The following RP1L1 variants were observed in gnomAD, a reference collection of about 807,000 sequenced individuals.
RP1L1 encodes the protein RP1 like 1.
In RP1L1, 27 loss-of-function variants were observed where a neutral mutation model predicts 15.7. The observed-to-expected ratio is 1.72, with a 90% CI of 1.27 to 2.38. RP1L1 has a LOEUF of 2.38. Among genes scored for constraint, RP1L1 ranks in the 30% most tolerant of loss-of-function variants. The probability of loss-of-function intolerance (pLI) is 0.00; values close to 1 mark genes in which losing one functional copy is unlikely to be tolerated. For missense variants in RP1L1, 4,798 were observed against 3,075.9 expected, an observed-to-expected ratio of 1.56 and a Z score of -13.24; for synonymous variants, 1,813 against 1,276.7, an observed-to-expected ratio of 1.42 and a Z score of -8.96.
At chr8:10,632,511 C>G (rs1798267568) in intron 1 of RP1L1, among the ~76,000 whole-genome samples, 1 of 152,198 alleles carries the variant, frequency 6.6e-6, no homozygotes. Flanking sequence ...CGACTTTTTC[C>G]TTTCCCCCTG....
At chr8:10,617,112 C>A (rs932578561) in intron 2 of RP1L1, among the ~76,000 whole-genome samples, 7 of 152,060 alleles carry the variant, frequency 4.6e-5, no homozygotes, top group South Asian at 2.1e-4. Flanking sequence ...TGCAGGGACC[C>A]CTTCCCTTCC....
chr8:10,617,344 A>T (rs1044089543), intron 2 of RP1L1, among the ~76,000 whole-genome samples: 17 of 149,660 alleles, frequency 1.1e-4, no homozygotes, highest in South Asian at 2.1e-4. Flanking sequence ...TCCATCTTTA[A>T]AGCACAGAGC....
At chr8:10,628,665 T>C (rs1014410211) in intron 1 of RP1L1, among the ~76,000 whole-genome samples, 16 of 152,194 alleles carry the variant, frequency 1.1e-4, no homozygotes, top group South Asian at 2.1e-4. Context: ...ATATAGACTT[T>C]CTTGTCCAAA....
At position 10,608,215 on chromosome 8, in the gene RP1L1, T is replaced by C; in HGVS notation, c.5883A>G (p.Ile1961Met). 1.3e-6 allele frequency: 2 copies of C among 1,575,648 alleles called. No homozygotes were observed. The highest frequency in any genetic ancestry group is 1.7e-6 in the Non-Finnish European group (2 of 1,161,504). The change falls in exon 4 of 4, where the codon ATA (isoleucine) becomes ATG (methionine). Residue 1961 changes from isoleucine to methionine, a missense_variant. Coordinates refer to ENST00000382483, the MANE Select transcript of RP1L1 (RefSeq NM_178857.6). ...CTTCCTCTTCTGCCTCCTGGGACTCTATAACTTCTGACTCTGGCTGGGTCT... is the reference window on the plus strand; with the variant it reads ...CTTCCTCTTCTGCCTCCTGGGACTCCATAACTTCTGACTCTGGCTGGGTCT... ...EGQTQPESEV[I>M]ESQEAEEEAQ...
intron 1 of RP1L1, among the ~76,000 whole-genome samples, chr8:10,641,782 G>A (rs933336157): frequency 7.2e-5 from 11 of 152,294 alleles, no homozygotes; most frequent in African/African-American, 2.4e-4. Flanking sequence ...GAAGACTTAA[G>A]CAAACTGGTA....
Position 10,613,293 on chromosome 8 carries a change from C to A in RP1L1, c.805G>T (p.Gly269Cys). Residue 269 changes from glycine (G) to cysteine (C), a missense_variant, in exon 4 of 4, where the codon GGC becomes TGC. Gly to Cys is a radical substitution (Grantham distance 159). Coordinates refer to ENST00000382483, the MANE Select transcript of RP1L1 (RefSeq NM_178857.6). ...PSVIHSRSPP[G>C]STPRLPERPG... is the part of the protein sequence containing the mutation. ...CTTTCTGGCAGCCGTGGCGTGCTGC[C>A]TGGCGGAGACCGCGAATGGATCACA... is the stretch of plus-strand genomic sequence containing the variant. 6.2e-7 allele frequency: 1 copy of A among 1,604,870 alleles called. No homozygotes were observed. Among genetic ancestry groups the A allele is most frequent in the Non-Finnish European group, 8.5e-7 (1 of 1,179,980 alleles).
At chr8:10,615,986 C>A (rs377556943) in intron 3 of RP1L1, among the ~76,000 whole-genome samples, 1 of 151,906 alleles carries the variant, frequency 6.6e-6, no homozygotes, top group African/African-American at 2.4e-5. Context: ...CTCACTGCAG[C>A]CTCAACCTCC....
intron 2 of RP1L1, among the ~76,000 whole-genome samples, chr8:10,621,999 A>G (rs1798067322): frequency 6.6e-6 from 1 of 152,116 alleles, no homozygotes; most frequent in Admixed American, 6.5e-5. Flanking sequence ...CCCCTGCAAT[A>G]ATAGGTTATT....
Position 10,622,574 on chromosome 8 carries a change from T to A in RP1L1, c.609+19A>T. The A allele has an allele frequency of 6.2e-7, 1 of 1,614,128 alleles. No individual in the cohort carries two copies. Among genetic ancestry groups the A allele is most frequent in the South Asian group, 1.1e-5 (1 of 91,016 alleles). On this transcript the variant is annotated intron_variant, in intron 2 of 3. Transcript: ENST00000382483. ...TCTAAAGAACCTTTTCAAGGAACCG[T>A]CAGACCCCAACAGCCTACCTTTTTC...
At chr8:10,629,778 T>A (rs1017283823) in intron 1 of RP1L1, among the ~76,000 whole-genome samples, 117 of 152,198 alleles carry the variant, frequency 7.7e-4, no homozygotes, top group Middle Eastern at 3.4e-3. Flanking sequence ...CTGCTGTCCT[T>A]ACCACTTATT....
intron 1 of RP1L1, among the ~76,000 whole-genome samples, chr8:10,638,047 C>A (rs1798355734): frequency 6.6e-6 from 1 of 152,226 alleles, no homozygotes; most frequent in South Asian, 2.1e-4. Context: ...TCAGGAGGCA[C>A]AGCCACTGAT....
At chr8:10,614,486 C>G (rs1390301736) in intron 3 of RP1L1, among the ~76,000 whole-genome samples, 1 of 151,878 alleles carries the variant, frequency 6.6e-6, no homozygotes, top group Admixed American at 6.6e-5. Flanking sequence ...ATGGGGAAAC[C>G]CCATCTCTAC....
At chr8:10,614,089 G>A (rs949057596) in intron 3 of RP1L1, among the ~76,000 whole-genome samples, 1 of 152,210 alleles carries the variant, frequency 6.6e-6, no homozygotes, top group Non-Finnish European at 1.5e-5. Context: ...GGCAGGCAGA[G>A]TGGCAGTGCC....
rs1798022651 is a variant in RP1L1, at chr8:10,619,374, G to A, written c.610-2787C>T. Among the ~76,000 whole-genome samples, 3 of 152,198 alleles carry A rather than the reference G, an allele frequency of 2.0e-5. 1 individual carries two copies. The South Asian group carries it at 6.2e-4, about 32-fold the overall frequency. ...AAGATGCAGAGAGGCATGTGCCACT[G>A]AGACATCAAAAGATGCCCTCGTTGT... On this transcript the variant is annotated intron_variant, in intron 2 of 3. Transcript: ENST00000382483.
rs760657386 is a variant in RP1L1, at chr8:10,611,502, G to A, written c.2596C>T (p.Arg866Cys). The A allele has an allele frequency of 2.9e-5, 46 of 1,574,748 alleles. No individual in the cohort carries two copies. The highest frequency in any genetic ancestry group is 8.1e-5 in the African/African-American group (6 of 74,380). ...PPRGRPCPQR[R>C]SSSCGSTGSS... Reference sequence around the variant, plus strand: ...CCGGTGCTCCCACAGCTGGAAGAGCGCCTCTGGGGGCAGGGCCGCCCCCTG... The same window carrying A: ...CCGGTGCTCCCACAGCTGGAAGAGCACCTCTGGGGGCAGGGCCGCCCCCTG... The change falls in exon 4 of 4, where the codon CGC becomes TGC. Residue 866 changes from arginine (R) to cysteine (C), a missense_variant. Physicochemically the swap from Arg to Cys is radical, Grantham distance 180. Transcript: ENST00000382483.
At position 10,609,119 on chromosome 8, in the gene RP1L1, T is replaced by C. The variant is rs756938397; in HGVS notation, c.4979A>G (p.Glu1660Gly). Residue 1660 changes from glutamate to glycine, a missense_variant, in exon 4 of 4, where the codon GAG becomes GGG. Glu to Gly is a moderately conservative substitution (Grantham distance 98). Transcript: ENST00000382483. ...EAEGEEFCPC[E>G]ACVRKKVSPM... Reference sequence around the variant, plus strand: ...GCTCACTTTCTTCCTCACGCAGGCCTCGCAGGGACAGAACTCCTCCCCCTC... The same window carrying C: ...GCTCACTTTCTTCCTCACGCAGGCCCCGCAGGGACAGAACTCCTCCCCCTC... 1.2e-6 allele frequency: 2 copies of C among 1,613,632 alleles called. No individual in the cohort carries two copies. Among genetic ancestry groups the C allele is most frequent in the Non-Finnish European group, 1.7e-6 (2 of 1,179,696 alleles).
Position 10,622,797 on chromosome 8 carries a change from C to G in RP1L1, c.405G>C (p.Gln135His), listed in dbSNP as rs1430240865. Reference protein sequence around the residue: ...TAQQLRDVEGQREAPGTSSSR... With the variant: ...TAQQLRDVEGHREAPGTSSSR... ...AGGAGGAGGTGCCTGGGGCTTCACG[C>G]TGGCCTTCGACATCCCGCAACTGCT... Residue 135 changes from glutamine (Q) to histidine (H), a missense_variant, in exon 2 of 4, where the codon CAG (glutamine) becomes CAC (histidine). Gln to His is a conservative substitution (Grantham distance 24, BLOSUM62 0). Transcript: ENST00000382483. The G allele has an allele frequency of 1.9e-6, 3 of 1,613,938 alleles. No individual in the cohort carries two copies. Among genetic ancestry groups the G allele is most frequent in the Non-Finnish European group, 2.5e-6 (3 of 1,179,920 alleles).
In RP1L1 at chr8:10,612,974, C is replaced by T. The variant is rs1563125916; in HGVS notation, c.1124G>A (p.Gly375Asp). 6.2e-7 allele frequency: 1 copy of T among 1,613,184 alleles called. No individual in the cohort carries two copies. The highest frequency in any genetic ancestry group is 8.5e-7 in the Non-Finnish European group (1 of 1,179,934). The change falls in exon 4 of 4, where the codon GGC (glycine) becomes GAC (aspartate). Residue 375 changes from glycine to aspartate, a missense_variant. Coordinates refer to ENST00000382483, the MANE Select transcript of RP1L1 (RefSeq NM_178857.6). Reference sequence around the variant, plus strand: ...TCCCCACACCCCAGGCTCTGAGAAGCCCCAAGGGTAGCCCTCCCACACACA... The same window carrying T: ...TCCCCACACCCCAGGCTCTGAGAAGTCCCAAGGGTAGCCCTCCCACACACA... ...LCCVWEGYPW[G>D]FSEPGVWGPR...
chr8:10,631,197 G>A (rs1172179826), intron 1 of RP1L1, among the ~76,000 whole-genome samples: 7 of 75,114 alleles, frequency 9.3e-5, no homozygotes, highest in South Asian at 6.4e-4. Flanking sequence ...AACAGCACCT[G>A]CAAAAACACA....
Sources: allele counts gnomAD v4.1 joint callset (sites outside exome capture counted in the v4.1 genomes callset), GRCh38; gene constraint gnomAD v4.1.1; transcripts MANE v1.5; gene names NCBI Gene and HGNC (gene_info 2026-07-23, HGNC 2026-07-21).